The following DGKA variants were observed in gnomAD, a reference collection of about 807,000 sequenced individuals.
DGKA encodes diacylglycerol kinase alpha.
In DGKA, 35 loss-of-function variants were observed where a neutral mutation model predicts 105.0. The ratio of observed to expected loss-of-function variants is 0.33; its 90% CI spans 0.25 to 0.44. The LOEUF is 0.44. DGKA is among the 20% of genes least tolerant of loss of function. The pLI, the probability that DGKA is intolerant of heterozygous loss-of-function variation, is 1.00. For synonymous variants in DGKA, 296 were observed against 332.0 expected, an observed-to-expected ratio of 0.89 and a Z score of 1.18; for missense variants, 665 against 915.0, an observed-to-expected ratio of 0.73 and a Z score of 3.53.
chr12:55,948,839 T>C (rs1323391110), intron 17 of DGKA, among the ~76,000 whole-genome samples: 1 of 151,406 alleles, frequency 6.6e-6, no homozygotes, highest in Non-Finnish European at 1.5e-5. Context: ...CTGGCTAACA[T>C]GGTGAAACCC....
chr12:55,950,713 C>G (rs1887989506), intron 17 of DGKA, among the ~76,000 whole-genome samples: 1 of 151,786 alleles, frequency 6.6e-6, no homozygotes, highest in Non-Finnish European at 1.5e-5. Flanking sequence ...AGTGCTGGGA[C>G]TACAGGAGTG....
chr12:55,938,551 G>GGA lies in DGKA; in HGVS notation c.391_392dup (p.Asp131GlufsTer13). The GGA allele has an allele frequency of 6.2e-7, 1 of 1,614,110 alleles. No homozygotes were observed. The highest frequency in any genetic ancestry group is 8.5e-7 in the Non-Finnish European group (1 of 1,180,002). Reference sequence around the variant, plus strand: ...ACGACACGGACAGAAATGGGATCCTGGACAGCTCAGTGAGTTGGGGACCCT... The same window carrying GGA: ...ACGACACGGACAGAAATGGGATCCTGGAGACAGCTCAGTGAGTTGGGGACCCT... On this transcript the variant is annotated frameshift_variant, in exon 6 of 24. Transcript: ENST00000331886. LOFTEE classifies it high-confidence loss of function.
rs1273766137 is a variant in DGKA at position 55,932,568 on chromosome 12, G to A, written c.-82+1224G>A. 5.7e-6 allele frequency: 4 copies of A among 702,292 alleles called. No individual in the cohort carries two copies. The highest frequency in any genetic ancestry group is 1.5e-5 in the South Asian group (1 of 67,584). The allele number at this position is 702,292 out of a possible 1,614,324, so 43.5% of individuals were successfully genotyped here. On this transcript the variant is annotated intron_variant, in intron 1 of 23. Coordinates refer to ENST00000331886, the MANE Select transcript of DGKA (RefSeq NM_001345.5). The surrounding 1 kb of genome is among the most constrained non-coding windows in gnomAD (Gnocchi z 4.3). ...CACTTTTCACCTTGATAGGAGAAAT[G>A]AGCCTTCCTGAGGAAGAATGGCAAA...
At position 55,939,456 on chromosome 12, in the gene DGKA, G is replaced by C. The variant is rs769524083; in HGVS notation, c.636G>C (p.Arg212Ser). 2 of 1,614,202 alleles carry C rather than the reference G, an allele frequency of 1.2e-6. No individual in the cohort carries two copies. The highest frequency in any genetic ancestry group is 1.7e-6 in the Non-Finnish European group (2 of 1,180,026). ...DDGQHMWRPK[R>S]FPRPVYCNLC... ...GACAGCACATGTGGAGGCCCAAGAGGTTCCCCAGACCAGTCTACTGCAATC... is the reference window on the plus strand; with the variant it reads ...GACAGCACATGTGGAGGCCCAAGAGCTTCCCCAGACCAGTCTACTGCAATC... The change falls in exon 9 of 24, where the codon AGG (arginine) becomes AGC (serine). Residue 212 changes from arginine (R) to serine (S), a missense_variant. By Grantham distance (110) the Arg-to-Ser change is moderately radical. Coordinates refer to ENST00000331886, the MANE Select transcript of DGKA (RefSeq NM_001345.5).
intron 1 of DGKA, among the ~76,000 whole-genome samples, chr12:55,934,105 C>T (rs1157032537): frequency 6.6e-6 from 1 of 152,054 alleles, no homozygotes; most frequent in Non-Finnish European, 1.5e-5. Context: ...CTGTATACTA[C>T]TTCTCCAGGT....
upstream of DGKA, chr12:55,927,909 G>A: frequency 2.9e-6 from 3 of 1,032,226 alleles, no homozygotes; most frequent in Non-Finnish European, 4.1e-6. Context: ...CCTCGGGCTG[G>A]GCCCTAGGGT....
upstream of DGKA, chr12:55,929,749 C>G (rs1017108215): frequency 1.3e-5 from 2 of 152,202 alleles, no homozygotes; most frequent in Non-Finnish European, 1.5e-5. Context: ...GCTTTTCTTC[C>G]CCCACCCACA....
chr12:55,930,059 C>T (rs1883302989), upstream of DGKA, among the ~76,000 whole-genome samples: 1 of 152,138 alleles, frequency 6.6e-6, no homozygotes, highest in East Asian at 1.9e-4. Flanking sequence ...ATGAAAGATC[C>T]AGGGACAGAA....
rs1260793370 is a variant in DGKA, at chr12:55,939,579, T to C, written c.709+50T>C. On this transcript the variant is annotated intron_variant, in intron 9 of 23. Coordinates refer to ENST00000331886, the MANE Select transcript of DGKA (RefSeq NM_001345.5). ...GGGGAAGAGGGTCAGCCCAGCTATC[T>C]GTGGGAGCTTGATGCTGTAAACTTA... The C allele has an allele frequency of 3.2e-6, 5 of 1,568,900 alleles. No homozygotes were observed. The Admixed American group carries it at 5.0e-5, about 16-fold the overall frequency.
chr12:55,953,935 G>A lies in DGKA; in HGVS notation c.*167G>A, dbSNP rs575710894. The A allele has an allele frequency of 9.5e-5, 63 of 660,312 alleles. No individual in the cohort carries two copies. The highest frequency in any genetic ancestry group is 4.9e-4 in the East Asian group (18 of 36,686). The allele number at this position is 660,312 out of a possible 1,614,324, so 40.9% of individuals were successfully genotyped here. A position where few individuals can be genotyped will look rare whatever the true frequency, so the allele number is the denominator to read the frequency against. ...TGCACCACCTCACTGTTCCCCATGC[G>A]CACACACATACACACACCCCAAAAC... On this transcript the variant is annotated 3_prime_UTR_variant, in exon 24 of 24. Transcript: ENST00000331886.
Position 55,937,412 on chromosome 12 carries a change from T to C in DGKA, c.143T>C (p.Ile48Thr). 7 of 1,613,870 alleles carry C rather than the reference T, an allele frequency of 4.3e-6. No individual in the cohort carries two copies. Among genetic ancestry groups the C allele is most frequent in the South Asian group, 2.2e-5 (2 of 91,054 alleles). Residue 48 changes from isoleucine (I) to threonine (T), a missense_variant, in exon 4 of 24, where the codon ATT (isoleucine) becomes ACT (threonine). Transcript: ENST00000331886. ...TAATGCTCACTCTCATTATAGGCCATTGGGTACGAGGGATTCCAGCAATTC... is the reference window on the plus strand; with the variant it reads ...TAATGCTCACTCTCATTATAGGCCACTGGGTACGAGGGATTCCAGCAATTC... Reference protein sequence around the residue: ...EMAKYVQGDAIGYEGFQQFLK... With the variant: ...EMAKYVQGDATGYEGFQQFLK...
upstream of DGKA, chr12:55,930,637 A>G (rs1246577665): frequency 6.6e-6 from 1 of 152,356 alleles, no homozygotes; most frequent in East Asian, 1.9e-4. Flanking sequence ...AAGTGCTGGG[A>G]TTACAGGTGT....
At chr12:55,935,989 G>A (rs1884592715) in intron 1 of DGKA, 5 of 989,310 alleles carry the variant, frequency 5.1e-6, no homozygotes, top group Non-Finnish European at 4.8e-6. Context: ...CGGAACTGCC[G>A]GAACTGCCGA....
rs1459030200 is a variant in DGKA at position 55,951,775 on chromosome 12, A to G, written c.1579A>G (p.Ile527Val). Residue 527 changes from isoleucine to valine, a missense_variant, in exon 18 of 24, where the codon ATT becomes GTT. Coordinates refer to ENST00000331886, the MANE Select transcript of DGKA (RefSeq NM_001345.5). ...TCAAATCATCAATAACTACTTCTCT[A>G]TTGGCGTGGTCAGTGGAATGGGGCC... is the stretch of plus-strand genomic sequence containing the variant. ...PFQIINNYFS[I>V]GVDASIAHRF... is the part of the protein sequence containing the mutation. 2.5e-6 allele frequency: 4 copies of G among 1,613,448 alleles called. No homozygotes were observed. Among genetic ancestry groups the G allele is most frequent in the Middle Eastern group, 1.6e-4 (1 of 6,084 alleles).
rs1883806311 is a variant in DGKA at position 55,932,521 on chromosome 12, G to GA, written c.-82+1181dup. 1 of 702,232 alleles carries GA rather than the reference G, an allele frequency of 1.4e-6. No individual in the cohort carries two copies. 43.5% of individuals were successfully genotyped at this position (702,232 alleles called of 1,614,324 possible). ...CCCCACCTGTCACTGGGAAGTTTCT[G>GA]AAAATACCTGAGTCTGAATCTCACT... On this transcript the variant is annotated intron_variant, in intron 1 of 23. Coordinates refer to ENST00000331886, the MANE Select transcript of DGKA (RefSeq NM_001345.5). This position sits in a 1 kb window ranked among gnomAD's most constrained non-coding sequence, Gnocchi z 4.3.
chr12:55,942,221 G>C lies in DGKA; in HGVS notation c.1384G>C (p.Gly462Arg). The change falls in exon 17 of 24, where the codon GGT becomes CGT. Residue 462 changes from glycine (G) to arginine (R), a missense_variant. This residue lies in a region of DGKA where 504 missense variants were observed against 681.2 expected (regional missense o/e 0.74). Coordinates refer to ENST00000331886, the MANE Select transcript of DGKA (RefSeq NM_001345.5). ...GCCTCCTGTTGCTGTGTTGCCCCTG[G>C]GTACTGGAAATGATCTGGCTCGATG... is the stretch of plus-strand genomic sequence containing the variant. ...VLPPVAVLPL[G>R]TGNDLARCLR... The C allele has an allele frequency of 6.2e-7, 1 of 1,614,188 alleles. No individual in the cohort carries two copies. Among genetic ancestry groups the C allele is most frequent in the Non-Finnish European group, 8.5e-7 (1 of 1,180,040 alleles).
chr12:55,937,102 C>A lies in DGKA; in HGVS notation c.138+12C>A, dbSNP rs778040331. On this transcript the variant is annotated intron_variant, in intron 3 of 23. Transcript: ENST00000331886. ...ATGTCCAAGGAGATGTGAGTGGCAG[C>A]TGGGAAATCTTCTTCTTGATCAACT... The A allele has an allele frequency of 1.9e-6, 3 of 1,613,646 alleles. No homozygotes were observed. Among genetic ancestry groups the A allele is most frequent in the Non-Finnish European group, 2.5e-6 (3 of 1,179,686 alleles).
intron 7 of DGKA, 85 bp downstream of exon 7, chr12:55,939,074 A>C: frequency 6.2e-7 from 1 of 1,608,318 alleles, no homozygotes; most frequent in Non-Finnish European, 8.5e-7. Flanking sequence ...TCTGACAGGC[A>C]ACCTGGTTCC....
Position 55,941,321 on chromosome 12 carries a change from CA to C in DGKA, c.1174del (p.Arg392GlyfsTer10). On this transcript the variant is annotated frameshift_variant, in exon 14 of 24. Transcript: ENST00000331886. LOFTEE classifies it high-confidence loss of function. The stretch of plus-strand genomic sequence containing the variant: ...TCCTAAGAGTGGCGGGAAGCAGGGG[CA>C]AAGGTGAGGAGAAATATATTGGGTC... Reference protein sequence around the residue: ...VNPKSGGKQGQRVLWKFQYIL... With the variant: ...VNPKSGGKQGXRVLWKFQYIL... 1.9e-6 allele frequency: 3 copies of C among 1,613,340 alleles called. No individual in the cohort carries two copies. The highest frequency in any genetic ancestry group is 2.5e-6 in the Non-Finnish European group (3 of 1,179,484).
Sources: gnomAD v4.1 joint callset for allele counts (sites outside exome capture counted in the v4.1 genomes callset) on GRCh38, gnomAD v4.1.1 for gene constraint, gnomAD v4.1.1 regional missense constraint, Gnocchi (gnomAD v3.1) non-coding constraint, MANE v1.5 for transcripts, NCBI Gene and HGNC (gene_info 2026-07-23, HGNC 2026-07-21) for gene names.